SLC26A2: variants seen among roughly 807,000 people sequenced by gnomAD.
SLC26A2 encodes sulfate transporter.
SLC26A2 carries 36 observed loss-of-function variants against 41.1 expected under a neutral mutation model. The observed-to-expected ratio is 0.88, with a 90% CI of 0.67 to 1.16. The LOEUF (loss-of-function observed/expected upper bound fraction) is 1.16, where lower values mean the gene tolerates loss of function less well. Ranked by LOEUF, SLC26A2 falls within the 50% of genes most tolerant of loss-of-function variation. The probability of loss-of-function intolerance (pLI) is 0.00; values close to 1 mark genes in which losing one functional copy is unlikely to be tolerated. For synonymous variants in SLC26A2, 291 were observed against 311.6 expected (o/e 0.93, Z 0.70); for missense variants, 796 against 869.6 (o/e 0.92, Z 1.07).
intron 1 of SLC26A2, among the ~76,000 whole-genome samples, chr5:149,974,417 TTA>T (rs999418959): frequency 1.3e-5 from 2 of 151,028 alleles, no homozygotes; most frequent in Non-Finnish European, 2.9e-5. Flanking sequence ...AGATTATATA[TTA>T]TATATATATG....
intron 1 of SLC26A2, among the ~76,000 whole-genome samples, chr5:149,965,979 A>G (rs771564801): frequency 1.3e-5 from 2 of 152,106 alleles, no homozygotes; most frequent in Non-Finnish European, 2.9e-5. Context: ...ATCTCAACTC[A>G]CTGCAACCTC....
At position 149,981,358 on chromosome 5, in the gene SLC26A2, T is replaced by G. The variant is rs1044122373; in HGVS notation, c.1765T>G (p.Tyr589Asp). 1 of 1,613,978 alleles carries G rather than the reference T, an allele frequency of 6.2e-7. No homozygotes were observed. The highest frequency in any genetic ancestry group is 8.5e-7 in the Non-Finnish European group (1 of 1,179,994). Residue 589 changes from tyrosine (Y) to aspartate (D), a missense_variant, in exon 3 of 3, where the codon TAC becomes GAC. Transcript: ENST00000286298. Reference protein sequence around the residue: ...KIFRFVAPLYYINKECFKSAL... With the variant: ...KIFRFVAPLYDINKECFKSAL... ...TTTCCGCTTTGTAGCCCCTCTCTAC[T>G]ACATAAACAAAGAATGCTTTAAATC...
rs1433631774 is a variant in SLC26A2 at position 149,980,909 on chromosome 5, C to T, written c.1316C>T (p.Ala439Val). The T allele has an allele frequency of 2.5e-6, 4 of 1,614,164 alleles. No homozygotes were observed. Among genetic ancestry groups the T allele is most frequent in the South Asian group, 2.2e-5 (2 of 91,080 alleles). ...SFFHCFTTSA[A>V]LAKTLVKEST... ...TTCCACTGTTTTACTACTAGTGCAG[C>T]TCTTGCAAAGACATTGGTTAAAGAA... The change falls in exon 3 of 3, where the codon GCT becomes GTT. Residue 439 changes from alanine to valine, a missense_variant. Transcript: ENST00000286298.
rs1290471160 is a variant in SLC26A2 at position 149,982,567 on chromosome 5, G to A, written c.*754G>A. 1 of 152,138 alleles carries A rather than the reference G, an allele frequency of 6.6e-6. No homozygotes were observed. The highest frequency in any genetic ancestry group is 1.9e-4 in the East Asian group (1 of 5,196). The allele number at this position is 152,138 out of a possible 1,614,324, so 9.4% of individuals were successfully genotyped here. On this transcript the variant is annotated 3_prime_UTR_variant, in exon 3 of 3. Coordinates refer to ENST00000286298, the MANE Select transcript of SLC26A2 (RefSeq NM_000112.4). ...GAAAAAACAATAGGAGTCCTTCCTT[G>A]TCTTTTCTGTGATCTCTGTCCTTGT... is the stretch of plus-strand genomic sequence containing the variant.
At position 149,978,251 on chromosome 5, in the gene SLC26A2, G is replaced by T. The variant is rs761571108; in HGVS notation, c.599G>T (p.Gly200Val). ...CCTTCCTTAGGAATGGTTTCAAATGGGAGCACATTATTAAATCATACATCA... is the reference window on the plus strand; with the variant it reads ...CCTTCCTTAGGAATGGTTTCAAATGTGAGCACATTATTAAATCATACATCA... ...SAPSLGMVSN[G>V]STLLNHTSDR... The change falls in exon 2 of 3, where the codon GGG becomes GTG. Residue 200 changes from glycine to valine, a missense_variant. Transcript: ENST00000286298. 6.2e-7 allele frequency: 1 copy of T among 1,614,050 alleles called. No individual in the cohort carries two copies. Among genetic ancestry groups the T allele is most frequent in the Non-Finnish European group, 8.5e-7 (1 of 1,179,986 alleles).
Position 149,960,821 on chromosome 5 carries a change from C to A in SLC26A2, c.-184C>A, listed in dbSNP as rs1187642933. ...GCGTCCTCGCCGCGCCCGTAGGTCC[C>A]GGCAGCCGGGCCCCGCCTCCTTCGG... is the stretch of plus-strand genomic sequence containing the variant. On this transcript the variant is annotated 5_prime_UTR_variant, in exon 1 of 3. Transcript: ENST00000286298. 6.6e-6 allele frequency: 1 copy of A among 152,364 alleles called. No individual in the cohort carries two copies. Among genetic ancestry groups the A allele is most frequent in the Non-Finnish European group, 1.5e-5 (1 of 68,148 alleles). The allele number at this position is 152,364 out of a possible 1,614,324, so 9.4% of individuals were successfully genotyped here.
intron 1 of SLC26A2, among the ~76,000 whole-genome samples, chr5:149,977,088 C>T (rs1185396595): frequency 6.6e-6 from 1 of 152,196 alleles, no homozygotes; most frequent in African/African-American, 2.4e-5. Context: ...TTTATCTTTA[C>T]CCTACAACCT....
intron 1 of SLC26A2, among the ~76,000 whole-genome samples, chr5:149,975,380 T>C (rs1389742533): frequency 6.6e-6 from 1 of 152,238 alleles, no homozygotes; most frequent in African/African-American, 2.4e-5. Context: ...TCTATATTCT[T>C]CCCAGATAGC....
intron 1 of SLC26A2, among the ~76,000 whole-genome samples, chr5:149,971,572 C>T (rs1182268012): frequency 2.0e-5 from 3 of 151,800 alleles, no homozygotes; most frequent in Non-Finnish European, 4.4e-5. Context: ...GCTGACTTTT[C>T]TATTTTTAGT....
intron 1 of SLC26A2, among the ~76,000 whole-genome samples, chr5:149,963,167 T>G (rs1259104651): frequency 6.6e-6 from 1 of 152,038 alleles, no homozygotes; most frequent in Non-Finnish European, 1.5e-5. Context: ...TGGAGTGCGG[T>G]GGCGCCATCT....
chr5:149,976,262 C>A (rs189947779), intron 1 of SLC26A2, among the ~76,000 whole-genome samples: 59 of 152,248 alleles, frequency 3.9e-4, no homozygotes, highest in African/African-American at 1.4e-3. Context: ...CTCAGCGTTA[C>A]TACATTCCAT....
chr5:149,986,045 T>C lies in SLC26A2; in HGVS notation c.*4232T>C, dbSNP rs977944574. ...TGCTTTTTAATGTTTCTATCCCCCA[T>C]CTCAGTGTTTTCTTTATCCATCCCA... On this transcript the variant is annotated 3_prime_UTR_variant, in exon 3 of 3. Coordinates refer to ENST00000286298, the MANE Select transcript of SLC26A2 (RefSeq NM_000112.4). 2 of 152,200 alleles carry C rather than the reference T, an allele frequency of 1.3e-5. No homozygotes were observed. Among genetic ancestry groups the C allele is most frequent in the Non-Finnish European group, 2.9e-5 (2 of 68,032 alleles). 9.4% of individuals were successfully genotyped at this position (152,200 alleles called of 1,614,324 possible).
At position 149,981,867 on chromosome 5, in the gene SLC26A2, C is replaced by T; in HGVS notation, c.*54C>T. On this transcript the variant is annotated 3_prime_UTR_variant, in exon 3 of 3. Transcript: ENST00000286298. ...CCAATAGGTTAAAATTTCAAGTGTC[C>T]AACATTTCCCAGTTCCACAGTGGGA... The T allele has an allele frequency of 7.2e-7, 1 of 1,391,330 alleles. No individual in the cohort carries two copies. Among genetic ancestry groups the T allele is most frequent in the African/African-American group, 1.4e-5 (1 of 69,966 alleles). 86.2% of individuals were successfully genotyped at this position (1,391,330 alleles called of 1,614,324 possible).
chr5:149,980,920 A>C lies in SLC26A2; in HGVS notation c.1327A>C (p.Thr443Pro). ...CFTTSAALAK[T>P]LVKESTGCHT... ...TACTACTAGTGCAGCTCTTGCAAAG[A>C]CATTGGTTAAAGAATCAACAGGCTG... The change falls in exon 3 of 3, where the codon ACA becomes CCA. Residue 443 changes from threonine (T) to proline (P), a missense_variant. Transcript: ENST00000286298. 1 of 1,614,162 alleles carries C rather than the reference A, an allele frequency of 6.2e-7. No homozygotes were observed. The highest frequency in any genetic ancestry group is 8.5e-7 in the Non-Finnish European group (1 of 1,180,024).
intron 1 of SLC26A2, among the ~76,000 whole-genome samples, chr5:149,968,049 A>C (rs1464865847): frequency 1.3e-5 from 2 of 151,164 alleles, no homozygotes; most frequent in African/African-American, 2.4e-5. Context: ...CTTTTGCTTA[A>C]CATAAGGGTG....
Position 149,966,352 on chromosome 5 carries a change from C to T in SLC26A2, c.-26+5373C>T, listed in dbSNP as rs879722987. 1.6e-4 allele frequency among the ~76,000 whole-genome samples: 24 copies of T among 152,328 alleles called. 1 individual carries two copies. Among genetic ancestry groups the T allele is most frequent in the South Asian group, 8.3e-4 (4 of 4,834 alleles). Reference sequence around the variant, plus strand: ...TCATGGTTGGGACAGAGGGTTATGACTTGCCTGGAGTCCAGGGCTCCTGAC... The same window carrying T: ...TCATGGTTGGGACAGAGGGTTATGATTTGCCTGGAGTCCAGGGCTCCTGAC... On this transcript the variant is annotated intron_variant, in intron 1 of 2. Coordinates refer to ENST00000286298, the MANE Select transcript of SLC26A2 (RefSeq NM_000112.4).
In SLC26A2 at chr5:149,980,824, A is replaced by G. The variant is rs1292388651; in HGVS notation, c.1231A>G (p.Thr411Ala). The stretch of plus-strand genomic sequence containing the variant: ...GATGTTTGCCAAGAAACATGGTTAC[A>G]CAGTCAAAGCAAACCAGGAAATGTA... Reference protein sequence around the residue: ...SEMFAKKHGYTVKANQEMYAI... With the variant: ...SEMFAKKHGYAVKANQEMYAI... The change falls in exon 3 of 3, where the codon ACA becomes GCA. Residue 411 changes from threonine (T) to alanine (A), a missense_variant. Physicochemically the swap from Thr to Ala is moderately conservative, Grantham distance 58 (BLOSUM62 0). Transcript: ENST00000286298. The G allele has an allele frequency of 4.3e-6, 7 of 1,614,140 alleles. No homozygotes were observed. The highest frequency in any genetic ancestry group is 1.1e-5 in the South Asian group (1 of 91,080).
chr5:149,971,437 T>G (rs1274220042), intron 1 of SLC26A2, among the ~76,000 whole-genome samples: 1 of 152,206 alleles, frequency 6.6e-6, no homozygotes, highest in Non-Finnish European at 1.5e-5. Flanking sequence ...TCTCATTCTG[T>G]CACCCAGGCT....
Position 149,964,516 on chromosome 5 carries a change from G to A in SLC26A2, c.-26+3537G>A, listed in dbSNP as rs552967358. Among the ~76,000 whole-genome samples, 8 of 151,308 alleles carry A rather than the reference G, an allele frequency of 5.3e-5. No individual in the cohort carries two copies. In the South Asian group the frequency reaches 1.5e-3, roughly 28 times the overall value. On this transcript the variant is annotated intron_variant, in intron 1 of 2. Coordinates refer to ENST00000286298, the MANE Select transcript of SLC26A2 (RefSeq NM_000112.4). ...AAAATAGCCAGGCGTGGTGGCTCAC[G>A]CCTGTAATCCTAGCACTTTAGGAGG... is the stretch of plus-strand genomic sequence containing the variant.
Sources: allele counts gnomAD v4.1 joint callset (sites outside exome capture counted in the v4.1 genomes callset), GRCh38; gene constraint gnomAD v4.1.1; transcripts MANE v1.5; gene names NCBI Gene and HGNC (gene_info 2026-07-23, HGNC 2026-07-21).